The following PREX1 variants were observed in gnomAD, a reference collection of about 807,000 sequenced individuals.
PREX1 encodes phosphatidylinositol-3,4,5-trisphosphate dependent Rac exchange factor 1.
A neutral mutation model predicts 198.3 loss-of-function variants in PREX1; 41 were observed. The ratio of observed to expected loss-of-function variants is 0.21; its 90% CI spans 0.16 to 0.27. The LOEUF is 0.27. PREX1 is among the 10% of genes least tolerant of loss of function. PREX1 has a pLI of 1.00. For synonymous variants in PREX1, 843 were observed against 887.2 expected, an observed-to-expected ratio of 0.95 and a Z score of 0.89; for missense variants, 1,620 against 2,200.7, an observed-to-expected ratio of 0.74 and a Z score of 5.28.
the PREX1 span, among the ~76,000 whole-genome samples, chr20:48,841,030 G>A: frequency 1.1e-4 from 17 of 151,730 alleles, no homozygotes; most frequent in Admixed American, 1.1e-3. Flanking sequence ...GAACTCCTAG[G>A]CTCAAGCCTT....
At chr20:48,848,387 T>C in the PREX1 span, among the ~76,000 whole-genome samples, 2 of 152,030 alleles carry the variant, frequency 1.3e-5, no homozygotes, top group Admixed American at 1.3e-4. Flanking sequence ...CCCGAGTAGC[T>C]GAGACCACAG....
chr20:48,852,628 C>T, the PREX1 span, among the ~76,000 whole-genome samples: 1 of 152,324 alleles, frequency 6.6e-6, no homozygotes, highest in South Asian at 2.1e-4. Context: ...AAGCTCCCAT[C>T]TGATGCCCAG....
At chr20:48,796,925 G>C (rs2090365587) in intron 1 of PREX1, among the ~76,000 whole-genome samples, 1 of 151,890 alleles carries the variant, frequency 6.6e-6, no homozygotes, top group African/African-American at 2.4e-5. Flanking sequence ...ATACAAATCA[G>C]AACAGTGGTT....
intron 6 of PREX1, among the ~76,000 whole-genome samples, chr20:48,706,585 C>A (rs961174279): frequency 1.3e-5 from 2 of 152,146 alleles, no homozygotes; most frequent in Admixed American, 6.5e-5. Context: ...CCTGGCCATG[C>A]CCCTGTCTCC....
At chr20:48,689,513 GC>G (rs2089805589) in intron 9 of PREX1, among the ~76,000 whole-genome samples, 1 of 152,090 alleles carries the variant, frequency 6.6e-6, no homozygotes. Context: ...GACCACCCCA[GC>G]CCTGAGGTCA....
At chr20:48,703,496 G>C (rs1568831724) in intron 6 of PREX1, among the ~76,000 whole-genome samples, 1 of 152,172 alleles carries the variant, frequency 6.6e-6, no homozygotes, top group East Asian at 1.9e-4. Context: ...ACTCCCTGGG[G>C]CTTCATCATG....
At chr20:48,741,977 T>C (rs945589397) in intron 3 of PREX1, among the ~76,000 whole-genome samples, 4 of 152,140 alleles carry the variant, frequency 2.6e-5, no homozygotes, top group Non-Finnish European at 4.4e-5. Context: ...GGCAGGAACC[T>C]TTGGAGGGTG....
chr20:48,693,004 C>T (rs1158453728), intron 7 of PREX1, among the ~76,000 whole-genome samples: 1 of 152,164 alleles, frequency 6.6e-6, no homozygotes, highest in African/African-American at 2.4e-5. Flanking sequence ...GGAAAACAGG[C>T]TAATAGCCTT....
chr20:48,791,549 T>C (rs1345121660), intron 1 of PREX1, among the ~76,000 whole-genome samples: 2 of 152,150 alleles, frequency 1.3e-5, no homozygotes, highest in Non-Finnish European at 2.9e-5. Context: ...AATCCCAAGA[T>C]GACCAGCTGC....
chr20:48,738,019 C>G (rs538243212), intron 3 of PREX1, among the ~76,000 whole-genome samples: 1 of 152,318 alleles, frequency 6.6e-6, no homozygotes, highest in East Asian at 1.9e-4. Context: ...AGTTTTGATA[C>G]ATGCACACTC....
chr20:48,762,085 C>T (rs956472646), intron 1 of PREX1, among the ~76,000 whole-genome samples: 1 of 152,196 alleles, frequency 6.6e-6, no homozygotes, highest in East Asian at 1.9e-4. Context: ...CAAACCTGAA[C>T]CTGCTACTTC....
chr20:48,704,748 G>A (rs756663595), intron 6 of PREX1, among the ~76,000 whole-genome samples: 5 of 152,282 alleles, frequency 3.3e-5, no homozygotes, highest in Non-Finnish European at 5.9e-5. Flanking sequence ...TAGAGAAGGG[G>A]TTTCACCGTG....
intron 6 of PREX1, among the ~76,000 whole-genome samples, chr20:48,702,575 A>C (rs936612974): frequency 4.6e-5 from 7 of 152,228 alleles, no homozygotes; most frequent in Non-Finnish European, 4.4e-5. Context: ...CCTCGAAAGA[A>C]AATGGCTTTC....
chr20:48,636,360 G>T, intron 32 of PREX1, 103 bp downstream of exon 32: 1 of 1,207,440 alleles, frequency 8.3e-7, no homozygotes, highest in Non-Finnish European at 1.1e-6. Context: ...GAATGACGAG[G>T]CCAGGGGGAG....
the PREX1 span, among the ~76,000 whole-genome samples, chr20:48,859,351 T>C: frequency 3.3e-5 from 5 of 152,322 alleles, no homozygotes; most frequent in Admixed American, 2.6e-4. Flanking sequence ...CTGCCAACAC[T>C]GCTTTAATAC....
intron 1 of PREX1, among the ~76,000 whole-genome samples, chr20:48,754,392 T>C (rs1175098916): frequency 2.0e-5 from 3 of 152,148 alleles, no homozygotes; most frequent in Non-Finnish European, 4.4e-5. Flanking sequence ...TGAGTGACTG[T>C]GGACAATGAA....
At chr20:48,822,293 G>A (rs2090489497) in intron 1 of PREX1, among the ~76,000 whole-genome samples, 2 of 152,156 alleles carry the variant, frequency 1.3e-5, no homozygotes, top group South Asian at 4.1e-4. Context: ...GGTCTCACAG[G>A]GGCAGTAATT....
At chr20:48,694,449 C>T (rs892846741) in intron 7 of PREX1, among the ~76,000 whole-genome samples, 5 of 152,198 alleles carry the variant, frequency 3.3e-5, no homozygotes. Context: ...TCTCTGGGAA[C>T]TCAACTTCTA....
chr20:48,716,355 A>T (rs1031111240), intron 5 of PREX1, among the ~76,000 whole-genome samples: 2 of 152,246 alleles, frequency 1.3e-5, no homozygotes, highest in African/African-American at 4.8e-5. Flanking sequence ...CGCTCTGAGC[A>T]GCCCCTTCAT....
Sources: allele counts gnomAD v4.1 joint callset (sites outside exome capture counted in the v4.1 genomes callset), GRCh38; gene constraint gnomAD v4.1.1; transcripts MANE v1.5; gene names NCBI Gene and HGNC (gene_info 2026-07-23, HGNC 2026-07-21).